The following XIRP2 variants were observed in gnomAD, a reference collection of about 807,000 sequenced individuals.
The protein encoded by XIRP2 is xin actin binding repeat containing 2.
Under a neutral mutation model 277.0 loss-of-function variants are expected in XIRP2, and 236 were observed. That is an observed-to-expected ratio of 0.85 (90% CI 0.77 to 0.95). The LOEUF (loss-of-function observed/expected upper bound fraction) is 0.95. Among genes scored for constraint, XIRP2 ranks in the 40% least tolerant of loss-of-function variants. The pLI is 0.00. For missense variants in XIRP2, 4,640 were observed against 4,157.5 expected, an observed-to-expected ratio of 1.12 and a Z score of -3.19; for synonymous variants, 1,490 against 1,416.5, an observed-to-expected ratio of 1.05 and a Z score of -1.17.
chr2:167,212,902 C>A (rs1485489552), intron 4 of XIRP2, among the ~76,000 whole-genome samples: 1 of 102,078 alleles, frequency 9.8e-6, no homozygotes, highest in African/African-American at 3.9e-5. Context: ...CCCCCACCCC[C>A]CCACCCCTCT....
chr2:167,213,164 A>G (rs184967535), intron 4 of XIRP2, among the ~76,000 whole-genome samples: 109 of 152,260 alleles, frequency 7.2e-4, no homozygotes, highest in African/African-American at 2.5e-3. Flanking sequence ...TGGTCTATAG[A>G]AGCCCCCTAA....
intron 1 of XIRP2, 99 bp from the exon 2 acceptor site, chr2:166,903,366 A>T: frequency 8.0e-7 from 1 of 1,245,018 alleles, no homozygotes; most frequent in Non-Finnish European, 1.1e-6. Context: ...CTTTACTAAG[A>T]CCCAAACCCC....
intron 2 of XIRP2, among the ~76,000 whole-genome samples, chr2:167,023,487 T>C: frequency 6.6e-6 from 1 of 152,130 alleles, no homozygotes; most frequent in South Asian, 2.1e-4. Flanking sequence ...ATTTTGTCTT[T>C]TGTTGCCATT....
chr2:166,964,391 T>C (rs751308356), intron 2 of XIRP2, among the ~76,000 whole-genome samples: 3 of 151,878 alleles, frequency 2.0e-5, no homozygotes, highest in Non-Finnish European at 4.4e-5. Context: ...TAGGGTCATC[T>C]AGCTCTATAT....
At chr2:166,914,192 A>G (rs1684795818) in intron 2 of XIRP2, among the ~76,000 whole-genome samples, 1 of 152,190 alleles carries the variant, frequency 6.6e-6, no homozygotes, top group Non-Finnish European at 1.5e-5. Context: ...GCCATGACCC[A>G]GAAAATTGAT....
intron 3 of XIRP2, among the ~76,000 whole-genome samples, chr2:167,151,013 T>A (rs1247643595): frequency 6.6e-6 from 1 of 152,092 alleles, no homozygotes; most frequent in Admixed American, 6.6e-5. Flanking sequence ...ACGGAAAGGT[T>A]CACATAAAAT....
chr2:167,176,016 G>A (rs1325097657), intron 3 of XIRP2, among the ~76,000 whole-genome samples: 3 of 152,198 alleles, frequency 2.0e-5, no homozygotes, highest in Admixed American at 2.0e-4. Flanking sequence ...TGTGCTGGCA[G>A]CGAGAATTTC....
At chr2:167,044,931 T>A (rs1184254149) in intron 2 of XIRP2, among the ~76,000 whole-genome samples, 2 of 150,060 alleles carry the variant, frequency 1.3e-5, no homozygotes, top group Non-Finnish European at 3.0e-5. Context: ...CAAAAAGAAC[T>A]CAAATGCCTA....
chr2:167,104,839 A>G (rs752965174), intron 2 of XIRP2, among the ~76,000 whole-genome samples: 29 of 152,140 alleles, frequency 1.9e-4, no homozygotes, highest in Non-Finnish European at 3.5e-4. Context: ...TACTTTCTTG[A>G]TTATTCACAA....
In XIRP2 at chr2:167,032,358, C is replaced by G. The variant is rs187377647; in HGVS notation, c.409-103551C>G. Among the ~76,000 whole-genome samples, 705 of 152,186 alleles carry G rather than the reference C, an allele frequency of 4.6e-3. 3 individuals carry two copies. The highest frequency in any genetic ancestry group is 0.01 in the Middle Eastern group (3 of 294). On this transcript the variant is annotated intron_variant, in intron 2 of 10. Coordinates refer to ENST00000409195, the MANE Select transcript of XIRP2 (RefSeq NM_152381.6). ...AACCATAAAAACCCTAGAAGAAAAC[C>G]TAGGCAATACCATTCAGGACATAAG...
chr2:167,000,039 AT>A (rs1372980035), intron 2 of XIRP2, among the ~76,000 whole-genome samples: 1 of 152,204 alleles, frequency 6.6e-6, no homozygotes, highest in African/African-American at 2.4e-5. Flanking sequence ...TCCATTTGAA[AT>A]GTGTGATTGC....
chr2:167,059,632 C>T (rs987383226), intron 2 of XIRP2, among the ~76,000 whole-genome samples: 3 of 152,098 alleles, frequency 2.0e-5, no homozygotes, highest in African/African-American at 7.2e-5. Context: ...TTCCTCCCAC[C>T]TCCAGAGAAC....
rs1192883658 is a variant in XIRP2 at position 167,001,940 on chromosome 2, GA to G, written c.408+98055del. On this transcript the variant is annotated intron_variant, in intron 2 of 10. Coordinates refer to ENST00000409195, the MANE Select transcript of XIRP2 (RefSeq NM_152381.6). Reference sequence around the variant, plus strand: ...TAGCTTTTTATTTCAACAAACATAGGAAAAATTACTCTTTAATTCTGAAAAC... The same window carrying G: ...TAGCTTTTTATTTCAACAAACATAGGAAAATTACTCTTTAATTCTGAAAAC... Among the ~76,000 whole-genome samples, 3 of 151,926 alleles carry G rather than the reference GA, an allele frequency of 2.0e-5. No individual in the cohort carries two copies. The South Asian group carries it at 6.2e-4, about 32-fold the overall frequency.
intron 2 of XIRP2, among the ~76,000 whole-genome samples, chr2:167,028,446 C>A (rs1688236061): frequency 6.6e-6 from 1 of 151,950 alleles, no homozygotes; most frequent in African/African-American, 2.4e-5. Flanking sequence ...CAGATCTTAC[C>A]CAAGGCCACC....
At chr2:166,985,332 C>T (rs774781932) in intron 2 of XIRP2, among the ~76,000 whole-genome samples, 1 of 152,164 alleles carries the variant, frequency 6.6e-6, no homozygotes, top group African/African-American at 2.4e-5. Flanking sequence ...TCTGCTCAAA[C>T]ATGCCATTGA....
chr2:167,175,744 C>T (rs867796004), intron 3 of XIRP2, among the ~76,000 whole-genome samples: 2 of 152,272 alleles, frequency 1.3e-5, no homozygotes, highest in Middle Eastern at 3.4e-3. Context: ...CCACAGCTGC[C>T]CCTTCCCCCA....
At chr2:167,057,004 G>A (rs759418039) in intron 2 of XIRP2, among the ~76,000 whole-genome samples, 10 of 152,108 alleles carry the variant, frequency 6.6e-5, no homozygotes, top group Non-Finnish European at 8.8e-5. Context: ...GTTTCCATAT[G>A]TGAACTGGTG....
intron 4 of XIRP2, among the ~76,000 whole-genome samples, chr2:167,214,225 G>GAA (rs1247257130): frequency 0.026 from 2,484 of 95,526 alleles, 273 homozygotes; most frequent in African/African-American, 0.076. Flanking sequence ...AGGGAGGGAG[G>GAA]GAGGAAGGAA....
intron 2 of XIRP2, among the ~76,000 whole-genome samples, chr2:167,066,659 G>A (rs1298637046): frequency 6.6e-6 from 1 of 152,002 alleles, no homozygotes; most frequent in Non-Finnish European, 1.5e-5. Flanking sequence ...TGTCAAAGGA[G>A]TATCTGCCAT....
Sources: gnomAD v4.1 joint callset for allele counts (sites outside exome capture counted in the v4.1 genomes callset) on GRCh38, gnomAD v4.1.1 for gene constraint, MANE v1.5 for transcripts, NCBI Gene and HGNC (gene_info 2026-07-23, HGNC 2026-07-21) for gene names.